TENM4: variants seen among roughly 807,000 people sequenced by gnomAD.
The protein encoded by TENM4 is teneurin transmembrane protein 4, also known as teneurin-4.
In TENM4, 82 loss-of-function variants were observed where a neutral mutation model predicts 243.3. The ratio of observed to expected loss-of-function variants is 0.34; its 90% CI spans 0.28 to 0.40. TENM4 has a LOEUF of 0.40. Ranked by LOEUF, TENM4 falls within the 10% of genes least tolerant of loss-of-function variation. TENM4 has a pLI of 1.00. For synonymous variants in TENM4, 1,412 were observed against 1,456.3 expected (o/e 0.97, Z 0.69); for missense variants, 3,138 against 3,673.3 (o/e 0.85, Z 3.77).
intron 6 of TENM4, among the ~76,000 whole-genome samples, chr11:79,049,336 G>A (rs1405119555): frequency 3.9e-5 from 6 of 152,184 alleles, no homozygotes; most frequent in African/African-American, 1.4e-4. Flanking sequence ...CTAGCAGTGC[G>A]CTCTAACAGA....
chr11:79,282,286 T>A (rs905655967), intron 2 of TENM4, among the ~76,000 whole-genome samples: 1 of 152,174 alleles, frequency 6.6e-6, no homozygotes, highest in Non-Finnish European at 1.5e-5. Flanking sequence ...CCTCATCAGA[T>A]TGGGTGGCCC....
At chr11:79,180,715 G>A (rs1027685353) in intron 3 of TENM4, among the ~76,000 whole-genome samples, 2 of 151,380 alleles carry the variant, frequency 1.3e-5, no homozygotes, top group African/African-American at 4.8e-5. Flanking sequence ...ATAGTGGTGT[G>A]CACCTGTAAT....
At chr11:79,404,343 G>C (rs544476335) in intron 1 of TENM4, among the ~76,000 whole-genome samples, 2 of 152,276 alleles carry the variant, frequency 1.3e-5, no homozygotes, top group African/African-American at 4.8e-5. Context: ...AAAGCTCAAT[G>C]AGCACAACTA....
intron 3 of TENM4, among the ~76,000 whole-genome samples, chr11:79,155,871 T>C (rs1862603765): frequency 6.6e-6 from 1 of 151,906 alleles, no homozygotes; most frequent in South Asian, 2.1e-4. Context: ...ATGTCTGGAA[T>C]TCTGAAGCCT....
At chr11:79,411,459 G>T (rs192309135) in intron 1 of TENM4, among the ~76,000 whole-genome samples, 16 of 152,296 alleles carry the variant, frequency 1.1e-4, no homozygotes, top group African/African-American at 3.6e-4. Flanking sequence ...GCTCTCCAGC[G>T]TGAAGCAAGT....
intron 1 of TENM4, among the ~76,000 whole-genome samples, chr11:79,405,655 A>G (rs1338106669): frequency 7.2e-5 from 11 of 151,984 alleles, no homozygotes; most frequent in Non-Finnish European, 2.9e-5. Flanking sequence ...TTGTACCATA[A>G]ACGTTTCTCT....
intron 9 of TENM4, among the ~76,000 whole-genome samples, chr11:78,870,619 G>A (rs1859096126): frequency 6.6e-6 from 1 of 152,192 alleles, no homozygotes; most frequent in Non-Finnish European, 1.5e-5. Flanking sequence ...GTTTTCTGGA[G>A]AATGGATTCT....
chr11:79,011,342 C>T (rs1207046322), intron 6 of TENM4, among the ~76,000 whole-genome samples: 1 of 152,174 alleles, frequency 6.6e-6, no homozygotes, highest in Non-Finnish European at 1.5e-5. Flanking sequence ...GGACTGTGTC[C>T]TTTCAGGTAT....
chr11:78,891,400 G>C lies in TENM4; in HGVS notation c.750-64C>G, dbSNP rs1030663107. ...TGCATTGATGAAGGGGGCTAGTAGA[G>C]AAACACACAAAGTGGCTGTTTGGTG... On this transcript the variant is annotated intron_variant, in intron 7 of 33. Transcript: ENST00000278550. 5 of 1,430,752 alleles carry C rather than the reference G, an allele frequency of 3.5e-6. No homozygotes were observed. The Admixed American group carries it at 7.9e-5, about 23-fold the overall frequency. 88.6% of individuals were successfully genotyped at this position (1,430,752 alleles called of 1,614,324 possible). A position where few individuals can be genotyped will look rare whatever the true frequency, so the allele number is the denominator to read the frequency against.
intron 6 of TENM4, 91 bp downstream of exon 6, chr11:79,064,647 A>G (rs771824712): frequency 6.7e-7 from 1 of 1,494,482 alleles, no homozygotes; most frequent in South Asian, 1.3e-5. Context: ...ACTTCACCAG[A>G]GCCCCGGCAG....
At chr11:79,306,756 C>A (rs1385651206) in intron 1 of TENM4, among the ~76,000 whole-genome samples, 1 of 152,096 alleles carries the variant, frequency 6.6e-6, no homozygotes, top group Non-Finnish European at 1.5e-5. Flanking sequence ...GAAACCAAGG[C>A]TTAGAGGGAT....
intron 7 of TENM4, among the ~76,000 whole-genome samples, chr11:78,898,211 T>C (rs1591110766): frequency 2.6e-5 from 4 of 152,176 alleles, no homozygotes; most frequent in African/African-American, 4.8e-5. Context: ...TCAGTTAACA[T>C]TGGAGACTGC....
intron 4 of TENM4, among the ~76,000 whole-genome samples, chr11:79,113,805 C>A (rs1861561842): frequency 1.3e-5 from 2 of 152,078 alleles, no homozygotes; most frequent in Admixed American, 1.3e-4. Context: ...ACTGTCTGAC[C>A]CTTATAGGAG....
At chr11:78,692,997 G>C (rs1033284150) in intron 28 of TENM4, among the ~76,000 whole-genome samples, 1 of 151,948 alleles carries the variant, frequency 6.6e-6, no homozygotes, top group South Asian at 2.1e-4. Flanking sequence ...TTTGTTTTCT[G>C]TCTCCTCCTA....
chr11:79,373,062 A>G (rs1191472085), intron 1 of TENM4, among the ~76,000 whole-genome samples: 1 of 145,856 alleles, frequency 6.9e-6, no homozygotes, highest in African/African-American at 2.7e-5. Context: ...TTTCTTAATT[A>G]TGAAAAAAAT....
chr11:79,142,707 G>C (rs1862310619), intron 4 of TENM4, among the ~76,000 whole-genome samples: 1 of 152,022 alleles, frequency 6.6e-6, no homozygotes, highest in Admixed American at 6.6e-5. Flanking sequence ...ACATCTAGAG[G>C]AATCACATTA....
intron 1 of TENM4, among the ~76,000 whole-genome samples, chr11:79,404,077 T>C (rs1858518279): frequency 6.6e-6 from 1 of 152,190 alleles, no homozygotes; most frequent in Admixed American, 6.5e-5. Context: ...ACCTTGACCC[T>C]CCGCTGAAGC....
intron 1 of TENM4, among the ~76,000 whole-genome samples, chr11:79,357,523 G>A (rs182627490): frequency 7.9e-5 from 12 of 152,326 alleles, no homozygotes; most frequent in Non-Finnish European, 1.5e-4. Flanking sequence ...ATGATGATGT[G>A]GGGTTTTGCA....
chr11:79,138,449 T>C (rs12803145), intron 4 of TENM4, among the ~76,000 whole-genome samples: 1 of 114,654 alleles, frequency 8.7e-6, no homozygotes, highest in Non-Finnish European at 1.6e-5. Context: ...ATTATATTTA[T>C]ATATAATATA....
Sources: gnomAD v4.1 joint callset for allele counts (sites outside exome capture counted in the v4.1 genomes callset) on GRCh38, gnomAD v4.1.1 for gene constraint, MANE v1.5 for transcripts, NCBI Gene and HGNC (gene_info 2026-07-23, HGNC 2026-07-21) for gene names.